The following NFIB variants were observed in gnomAD, a reference collection of about 807,000 sequenced individuals.
NFIB encodes the protein nuclear factor I B, also known as nuclear factor 1 B-type.
In NFIB, 11 loss-of-function variants were observed where a neutral mutation model predicts 61.5. That is an observed-to-expected ratio of 0.18 (90% confidence interval 0.11 to 0.30). The LOEUF (loss-of-function observed/expected upper bound fraction) is 0.30. Among genes scored for constraint, NFIB ranks in the 10% least tolerant of loss-of-function variants. The pLI, the probability that NFIB is intolerant of heterozygous loss-of-function variation, is 1.00. For missense variants in NFIB, 471 were observed against 608.9 expected (o/e 0.77, Z 2.38); for synonymous variants, 260 against 216.5 (o/e 1.20, Z -1.76).
At chr9:14,228,731 C>G (rs1486512848) in intron 2 of NFIB, among the ~76,000 whole-genome samples, 3 of 152,194 alleles carry the variant, frequency 2.0e-5, no homozygotes, top group African/African-American at 7.2e-5. Flanking sequence ...AAGGATCTGA[C>G]TGTTTGGCTT....
chr9:14,252,362 G>T (rs1211070119), intron 2 of NFIB, among the ~76,000 whole-genome samples: 2 of 151,980 alleles, frequency 1.3e-5, no homozygotes, highest in African/African-American at 4.8e-5. Flanking sequence ...ACTTTAAAGA[G>T]ACTAAATCTT....
At chr9:14,322,889 C>A (rs1246568116) in intron 1 of NFIB, among the ~76,000 whole-genome samples, 1 of 151,734 alleles carries the variant, frequency 6.6e-6, no homozygotes, top group African/African-American at 2.4e-5. Flanking sequence ...CCAGGCTCCG[C>A]GCGCCTTTGT....
intron 6 of NFIB, among the ~76,000 whole-genome samples, chr9:14,146,439 T>A (rs534199414): frequency 1.3e-5 from 2 of 152,236 alleles, no homozygotes; most frequent in South Asian, 2.1e-4. Flanking sequence ...GTCACATACA[T>A]AATTGTGGGT....
At chr9:14,214,751 C>T (rs1169090161) in intron 2 of NFIB, among the ~76,000 whole-genome samples, 1 of 152,182 alleles carries the variant, frequency 6.6e-6, no homozygotes, top group African/African-American at 2.4e-5. Flanking sequence ...TTGGTCCTGA[C>T]TCTCTTTTCC....
chr9:14,397,950 G>A (rs957511425), intron 1 of NFIB, among the ~76,000 whole-genome samples: 5 of 152,052 alleles, frequency 3.3e-5, no homozygotes, highest in African/African-American at 1.2e-4. Flanking sequence ...GGTTTCCTCA[G>A]CAATATAACA....
chr9:14,152,690 A>C (rs1009868764), intron 4 of NFIB, among the ~76,000 whole-genome samples: 2 of 152,160 alleles, frequency 1.3e-5, no homozygotes, highest in Admixed American at 1.3e-4. Flanking sequence ...AACTAGATGT[A>C]ATTTGTAGTA....
chr9:14,145,870 A>G (rs2042227308), intron 6 of NFIB, among the ~76,000 whole-genome samples: 2 of 151,298 alleles, frequency 1.3e-5, no homozygotes. Flanking sequence ...CCCAGGCTAG[A>G]TTTTTTTTAA....
At chr9:14,311,885 C>T (rs1301711786) in intron 1 of NFIB, among the ~76,000 whole-genome samples, 1 of 152,066 alleles carries the variant, frequency 6.6e-6, no homozygotes, top group Non-Finnish European at 1.5e-5. Flanking sequence ...CAAGTTAACA[C>T]AGCTTATCAG....
rs184213600 is a variant in NFIB, at chr9:14,328,021, T to G, written c.109-20501A>C. Among the ~76,000 whole-genome samples the G allele has an allele frequency of 3.8e-3, 585 of 152,300 alleles. 6 individuals carry two copies. Among genetic ancestry groups the G allele is most frequent in the African/African-American group, 0.014 (566 of 41,560 alleles). On this transcript the variant is annotated intron_variant, in intron 1 of 8. Coordinates refer to the NFIB transcript ENST00000380934. ...CCAGTACTGCTTTCTTTTACCAACT[T>G]TTTGTTCGAGGATGATTGACAAGCA...
chr9:14,151,649 T>C (rs1302453762), intron 4 of NFIB, among the ~76,000 whole-genome samples: 4 of 152,042 alleles, frequency 2.6e-5, no homozygotes, highest in Non-Finnish European at 1.5e-5. Flanking sequence ...AGTAAGAGAT[T>C]AGAGGGAGGT....
chr9:14,462,444 G>T, the NFIB span, among the ~76,000 whole-genome samples: 1 of 151,808 alleles, frequency 6.6e-6, no homozygotes, highest in Non-Finnish European at 1.5e-5. Context: ...CACCACGCCC[G>T]GCTAATTTTT....
intron 6 of NFIB, 90 bp downstream of exon 6, chr9:14,146,599 G>C: frequency 6.5e-7 from 1 of 1,546,454 alleles, no homozygotes; most frequent in Non-Finnish European, 8.9e-7. Context: ...AATCCATATT[G>C]GTTTAATTAT....
intron 2 of NFIB, among the ~76,000 whole-genome samples, chr9:14,274,761 A>G (rs1031676159): frequency 6.6e-6 from 1 of 152,328 alleles, no homozygotes; most frequent in South Asian, 2.1e-4. Flanking sequence ...TAAAGACAAA[A>G]GAATTATCTC....
chr9:14,093,921 T>C (rs1363012032), intron 10 of NFIB, among the ~76,000 whole-genome samples: 1 of 152,090 alleles, frequency 6.6e-6, no homozygotes, highest in African/African-American at 2.4e-5. Flanking sequence ...TTGATAAATA[T>C]ACCAGTTGCT....
At position 14,085,340 on chromosome 9, in the gene NFIB, GAA is replaced by G. The variant is rs2032685062; in HGVS notation, c.*2967_*2968del. 4.4e-6 allele frequency: 1 copy of G among 225,410 alleles called. No individual in the cohort carries two copies. The highest frequency in any genetic ancestry group is 1.8e-4 in the South Asian group (1 of 5,466). The allele number at this position is 225,410 out of a possible 1,614,324, so 14.0% of individuals were successfully genotyped here. On this transcript the variant is annotated 3_prime_UTR_variant, in exon 11 of 11. Transcript: ENST00000380953. ...CAGCCTACCATGTGTCACCAATTCTGAAAGATTTTCCTTCTAGTAATGAATAC... is the reference window on the plus strand; with the variant it reads ...CAGCCTACCATGTGTCACCAATTCTGAGATTTTCCTTCTAGTAATGAATAC...
At chr9:14,195,238 AG>A (rs2048349171) in intron 2 of NFIB, among the ~76,000 whole-genome samples, 2 of 152,212 alleles carry the variant, frequency 1.3e-5, no homozygotes, top group Admixed American at 6.5e-5. Flanking sequence ...AGAGATGGCA[AG>A]GTTTGATGTT....
At chr9:14,522,082 G>C in the NFIB span, among the ~76,000 whole-genome samples, 1 of 152,158 alleles carries the variant, frequency 6.6e-6, no homozygotes, top group Non-Finnish European at 1.5e-5. Context: ...AATATGGCTG[G>C]CCTGCCTGGT....
chr9:14,435,208 G>T, the NFIB span, among the ~76,000 whole-genome samples: 1 of 152,230 alleles, frequency 6.6e-6, no homozygotes. Context: ...TGAGTCTGGT[G>T]AAAGTTCACC....
At chr9:14,488,831 A>T in the NFIB span, among the ~76,000 whole-genome samples, 1 of 152,244 alleles carries the variant, frequency 6.6e-6, no homozygotes, top group East Asian at 1.9e-4. Flanking sequence ...GAAACTTTTA[A>T]AAAATGAGCT....
Sources: gnomAD v4.1 joint callset for allele counts (sites outside exome capture counted in the v4.1 genomes callset) on GRCh38, gnomAD v4.1.1 for gene constraint, MANE v1.5 for transcripts, NCBI Gene and HGNC (gene_info 2026-07-23, HGNC 2026-07-21) for gene names.